PIAS2: variants seen among roughly 807,000 people sequenced by gnomAD.
PIAS2 encodes E3 SUMO-protein ligase PIAS2.
Under a neutral mutation model 69.7 loss-of-function variants are expected in PIAS2, and 19 were observed. The observed-to-expected ratio is 0.27, with a 90% CI of 0.19 to 0.40. The LOEUF is 0.40. PIAS2 is among the 10% of genes least tolerant of loss of function. The pLI, the probability that PIAS2 is intolerant of heterozygous loss-of-function variation, is 1.00. For missense variants in PIAS2, 624 were observed against 757.0 expected (o/e 0.82, Z 2.06); for synonymous variants, 261 against 263.2 (o/e 0.99, Z 0.08).
intron 7 of PIAS2, 76 bp downstream of exon 7, chr18:46,844,658 T>C (rs1467532841): frequency 1.0e-5 from 5 of 500,162 alleles, no homozygotes; most frequent in Non-Finnish European, 1.7e-5. Flanking sequence ...GAGCAATATT[T>C]AAAGCATTAA....
chr18:46,824,726 G>A (rs560796778), intron 11 of PIAS2, among the ~76,000 whole-genome samples: 4 of 151,920 alleles, frequency 2.6e-5, no homozygotes, highest in African/African-American at 7.2e-5. Flanking sequence ...CAGGCCAGGC[G>A]TGGTGGCTTA....
intron 9 of PIAS2, among the ~76,000 whole-genome samples, chr18:46,830,122 G>A (rs1463094532): frequency 6.6e-6 from 1 of 152,130 alleles, no homozygotes; most frequent in Admixed American, 6.5e-5. Flanking sequence ...TAAATGGCTA[G>A]AGAGAAGTAG....
rs563792567 is a variant in PIAS2, at chr18:46,839,254, C to T, written c.1042-2737G>A. Among the ~76,000 whole-genome samples the T allele has an allele frequency of 5.8e-4, 89 of 152,206 alleles. 1 individual carries two copies. In the South Asian group the frequency reaches 0.018, roughly 31 times the overall value. On this transcript the variant is annotated intron_variant, in intron 8 of 13. Coordinates refer to ENST00000585916, the MANE Select transcript of PIAS2 (RefSeq NM_004671.5). ...CAATGATTAAAATAAGACCAATCTACACATACTAATATACTTAAGATACAC... is the reference window on the plus strand; with the variant it reads ...CAATGATTAAAATAAGACCAATCTATACATACTAATATACTTAAGATACAC...
At position 46,807,774 on chromosome 18, in the gene PIAS2, A is replaced by C. The variant is rs1467577669; in HGVS notation, c.*4659T>G. ...TCTCCATATCAGTTAACCCCGTTCCATAGAGTCAGAAAGGCAGAGGGTCTT... is the reference window on the plus strand; with the variant it reads ...TCTCCATATCAGTTAACCCCGTTCCCTAGAGTCAGAAAGGCAGAGGGTCTT... On this transcript the variant is annotated 3_prime_UTR_variant, in exon 14 of 14. Transcript: ENST00000585916. The C allele has an allele frequency of 1.3e-5, 2 of 152,252 alleles. No individual in the cohort carries two copies. The highest frequency in any genetic ancestry group is 2.9e-5 in the Non-Finnish European group (2 of 68,042). 9.4% of individuals were successfully genotyped at this position (152,252 alleles called of 1,614,324 possible). A position where few individuals can be genotyped will look rare whatever the true frequency, so the allele number is the denominator to read the frequency against.
intron 8 of PIAS2, among the ~76,000 whole-genome samples, chr18:46,839,085 G>C (rs1247347131): frequency 6.6e-6 from 1 of 151,994 alleles, no homozygotes; most frequent in Non-Finnish European, 1.5e-5. Context: ...TTTTTAAGTA[G>C]TACCAACATA....
upstream of PIAS2, chr18:46,920,131 G>A (rs189027599): frequency 1.2e-3 from 1,477 of 1,276,448 alleles, no homozygotes; most frequent in Non-Finnish European, 1.3e-3. Context: ...CTCCTGGATG[G>A]GTTGGGTAGG....
At chr18:46,880,939 G>T (rs1162886079) in intron 2 of PIAS2, among the ~76,000 whole-genome samples, 1 of 152,148 alleles carries the variant, frequency 6.6e-6, no homozygotes, top group Non-Finnish European at 1.5e-5. Flanking sequence ...ATTATATACA[G>T]CAAAGTTTTT....
chr18:46,891,056 TAAAAGGAA>T lies in PIAS2; in HGVS notation c.25-10_25-3del. 1 of 1,553,238 alleles carries T rather than the reference TAAAAGGAA, an allele frequency of 6.4e-7. No individual in the cohort carries two copies. The highest frequency in any genetic ancestry group is 8.7e-7 in the Non-Finnish European group (1 of 1,149,138). ...AACCCTAAAACTAGAAACCATATTC[TAAAAGGAA>T]AGAAAAAAAAACATAAGCCAAGTCA... On this transcript the variant is annotated splice_polypyrimidine_tract_variant and splice_region_variant and intron_variant, in intron 1 of 13. Coordinates refer to ENST00000585916, the MANE Select transcript of PIAS2 (RefSeq NM_004671.5).
intron 1 of PIAS2, among the ~76,000 whole-genome samples, chr18:46,894,037 A>AATTT (rs763883435): frequency 3.9e-5 from 6 of 152,148 alleles, no homozygotes; most frequent in Non-Finnish European, 7.4e-5. Flanking sequence ...GAGGCAGGAG[A>AATTT]ATTTCTTCAA....
At position 46,839,016 on chromosome 18, in the gene PIAS2, T is replaced by C. The variant is rs79190542; in HGVS notation, c.1042-2499A>G. Among the ~76,000 whole-genome samples the C allele has an allele frequency of 1.2e-4, 18 of 152,348 alleles. No individual in the cohort carries two copies. The East Asian group carries it at 3.3e-3, about 28-fold the overall frequency. On this transcript the variant is annotated intron_variant, in intron 8 of 13. Coordinates refer to ENST00000585916, the MANE Select transcript of PIAS2 (RefSeq NM_004671.5). Reference sequence around the variant, plus strand: ...CCGGTTTTTTATATCCTTTCAATTATAAAATGAATAATTTTAATAGATTTT... The same window carrying C: ...CCGGTTTTTTATATCCTTTCAATTACAAAATGAATAATTTTAATAGATTTT...
chr18:46,881,639 A>C (rs1006004831), intron 2 of PIAS2, among the ~76,000 whole-genome samples: 6 of 152,172 alleles, frequency 3.9e-5, no homozygotes, highest in Non-Finnish European at 7.3e-5. Flanking sequence ...TGAATTCTCC[A>C]TTCATTAGGC....
intron 12 of PIAS2, chr18:46,817,532 T>TAATAAATAA: frequency 1.1e-6 from 1 of 936,486 alleles, no homozygotes; most frequent in Non-Finnish European, 1.3e-6. Flanking sequence ...GTGTGGTAAA[T>TAATAAATAA]ATAAAGTTTA....
At chr18:46,859,515 G>GGCCTCTGTCTCT (rs1308151370) in intron 3 of PIAS2, among the ~76,000 whole-genome samples, 1 of 151,234 alleles carries the variant, frequency 6.6e-6, no homozygotes, top group African/African-American at 2.4e-5. Flanking sequence ...ATCACAAAGA[G>GGCCTCTGTCTCT]GCCTCTGTCA....
intron 10 of PIAS2, among the ~76,000 whole-genome samples, chr18:46,828,877 C>T (rs1483228070): frequency 1.3e-5 from 2 of 152,136 alleles, no homozygotes; most frequent in Non-Finnish European, 2.9e-5. Context: ...GCAACAGAAA[C>T]TTATCAACTA....
At chr18:46,919,000 T>C (rs540607552), upstream of PIAS2, among the ~76,000 whole-genome samples, 120 of 145,654 alleles carry the variant, frequency 8.2e-4, 1 homozygote, top group African/African-American at 3.2e-3. Flanking sequence ...TGCGTGTATA[T>C]ATATATATGT....
chr18:46,865,648 C>G (rs1329990933), intron 2 of PIAS2, among the ~76,000 whole-genome samples: 1 of 152,014 alleles, frequency 6.6e-6, no homozygotes, highest in Non-Finnish European at 1.5e-5. Flanking sequence ...CAAGTCACAT[C>G]AAGTCAGAAA....
At chr18:46,849,022 T>C (rs1239263305) in intron 5 of PIAS2, among the ~76,000 whole-genome samples, 1 of 152,202 alleles carries the variant, frequency 6.6e-6, no homozygotes, top group Non-Finnish European at 1.5e-5. Flanking sequence ...TCTGCTGGTA[T>C]GTCCACTGGT....
intron 2 of PIAS2, among the ~76,000 whole-genome samples, chr18:46,878,016 A>T (rs957793091): frequency 6.6e-6 from 1 of 152,200 alleles, no homozygotes; most frequent in Non-Finnish European, 1.5e-5. Context: ...ATAATTACTA[A>T]ATGAGTAGGC....
intron 3 of PIAS2, among the ~76,000 whole-genome samples, chr18:46,855,903 C>T (rs1304600035): frequency 6.6e-6 from 1 of 150,824 alleles, no homozygotes; most frequent in East Asian, 1.9e-4. Context: ...TGGTAACATG[C>T]AAGGAAGCAG....
Sources: allele counts gnomAD v4.1 joint callset (sites outside exome capture counted in the v4.1 genomes callset), GRCh38; gene constraint gnomAD v4.1.1; transcripts MANE v1.5; gene names NCBI Gene and HGNC (gene_info 2026-07-23, HGNC 2026-07-21).